EPHB1: variants seen among roughly 807,000 people sequenced by gnomAD.
The protein encoded by EPHB1 is ephrin type-B receptor 1.
Under a neutral mutation model 94.4 loss-of-function variants are expected in EPHB1, and 30 were observed. The ratio of observed to expected loss-of-function variants is 0.32; its 90% CI spans 0.24 to 0.43. The LOEUF (loss-of-function observed/expected upper bound fraction) is 0.43. Ranked by LOEUF, EPHB1 falls within the 20% of genes least tolerant of loss-of-function variation. The pLI, the probability that EPHB1 is intolerant of heterozygous loss-of-function variation, is 1.00. For missense variants in EPHB1, 1,055 were observed against 1,308.3 expected, an observed-to-expected ratio of 0.81 and a Z score of 2.99; for synonymous variants, 522 against 489.1, an observed-to-expected ratio of 1.07 and a Z score of -0.89.
chr3:135,124,200 G>A (rs1940101055), intron 4 of EPHB1, among the ~76,000 whole-genome samples: 1 of 151,710 alleles, frequency 6.6e-6, no homozygotes, highest in Admixed American at 6.5e-5. Flanking sequence ...TTGGGCTGGG[G>A]AACACTCCCT....
chr3:134,909,818 G>T (rs772385796), intron 1 of EPHB1, among the ~76,000 whole-genome samples: 2 of 152,202 alleles, frequency 1.3e-5, no homozygotes, highest in Non-Finnish European at 2.9e-5. Context: ...TGAGCTTCCA[G>T]CATTACAAGA....
intron 1 of EPHB1, among the ~76,000 whole-genome samples, chr3:134,800,676 G>A (rs1416434854): frequency 1.3e-5 from 2 of 152,176 alleles, no homozygotes; most frequent in Non-Finnish European, 2.9e-5. Flanking sequence ...AATAGGTCTT[G>A]CCCAACTCTG....
chr3:135,049,800 G>A (rs1937114632), intron 3 of EPHB1, among the ~76,000 whole-genome samples: 2 of 152,168 alleles, frequency 1.3e-5, no homozygotes, highest in African/African-American at 4.8e-5. Context: ...GAGGACACAG[G>A]TGACGAAACC....
At chr3:135,212,154 T>C (rs1473774392) in intron 12 of EPHB1, among the ~76,000 whole-genome samples, 1 of 152,216 alleles carries the variant, frequency 6.6e-6, no homozygotes, top group East Asian at 1.9e-4. Context: ...CTATATTTTC[T>C]AATTAATCCT....
chr3:135,108,971 G>C (rs928699857), intron 4 of EPHB1, among the ~76,000 whole-genome samples: 1 of 152,186 alleles, frequency 6.6e-6, no homozygotes, highest in African/African-American at 2.4e-5. Context: ...TGACAGTAAG[G>C]GGAGGGGGTC....
intron 1 of EPHB1, among the ~76,000 whole-genome samples, chr3:134,851,219 G>A (rs1352792799): frequency 6.6e-6 from 1 of 152,244 alleles, no homozygotes; most frequent in Non-Finnish European, 1.5e-5. Flanking sequence ...GGGCACACCT[G>A]CCTACTTTAT....
At chr3:134,974,968 CTG>C (rs1934127632) in intron 3 of EPHB1, among the ~76,000 whole-genome samples, 1 of 89,156 alleles carries the variant, frequency 1.1e-5, no homozygotes, top group Non-Finnish European at 2.2e-5. Flanking sequence ...CCCATCCTCT[CTG>C]TGTCTCTTTT....
intron 5 of EPHB1, among the ~76,000 whole-genome samples, chr3:135,153,891 T>C (rs909185139): frequency 6.6e-6 from 1 of 152,216 alleles, no homozygotes; most frequent in African/African-American, 2.4e-5. Context: ...CCTTGCCACC[T>C]CTGAAAGTCC....
At chr3:134,985,457 C>A (rs1934564535) in intron 3 of EPHB1, among the ~76,000 whole-genome samples, 1 of 152,166 alleles carries the variant, frequency 6.6e-6, no homozygotes, top group Admixed American at 6.5e-5. Flanking sequence ...CATGCCCGGC[C>A]GGTGGGCTTT....
chr3:134,871,837 G>A (rs977821428), intron 1 of EPHB1, among the ~76,000 whole-genome samples: 9 of 152,194 alleles, frequency 5.9e-5, no homozygotes, highest in Non-Finnish European at 8.8e-5. Context: ...AACACTGTAA[G>A]TGGCACTATG....
chr3:135,258,058 C>T (rs1021541153), intron 15 of EPHB1, among the ~76,000 whole-genome samples: 1 of 152,186 alleles, frequency 6.6e-6, no homozygotes, highest in Non-Finnish European at 1.5e-5. Flanking sequence ...GGCAATGCCT[C>T]ACCCTGCTTC....
chr3:134,982,330 G>A (rs1041176676), intron 3 of EPHB1, among the ~76,000 whole-genome samples: 3 of 152,190 alleles, frequency 2.0e-5, no homozygotes, highest in Non-Finnish European at 2.9e-5. Flanking sequence ...GAGAGGGAAA[G>A]AAGAAAGGGA....
intron 6 of EPHB1, among the ~76,000 whole-genome samples, chr3:135,155,661 C>T (rs1941329912): frequency 1.4e-5 from 2 of 142,842 alleles, no homozygotes; most frequent in Admixed American, 1.4e-4. Flanking sequence ...AAAAATTAGC[C>T]AGGAGTGGTG....
intron 1 of EPHB1, among the ~76,000 whole-genome samples, chr3:134,915,668 G>C (rs896273493): frequency 2.6e-5 from 4 of 152,014 alleles, no homozygotes; most frequent in Admixed American, 6.6e-5. Context: ...TCGTGGTCTC[G>C]CTGGCTCAGG....
intron 1 of EPHB1, among the ~76,000 whole-genome samples, chr3:134,829,381 C>T (rs1360203007): frequency 1.3e-5 from 2 of 151,976 alleles, no homozygotes; most frequent in African/African-American, 4.8e-5. Flanking sequence ...GTCCTGGGGC[C>T]GTGAGGACCT....
chr3:134,888,287 C>T (rs930471515), intron 1 of EPHB1, among the ~76,000 whole-genome samples: 1 of 152,204 alleles, frequency 6.6e-6, no homozygotes, highest in African/African-American at 2.4e-5. Context: ...CTACACTTAC[C>T]TGGAAGGTCT....
At chr3:135,240,565 TC>T (rs1463662551) in intron 12 of EPHB1, among the ~76,000 whole-genome samples, 1 of 152,124 alleles carries the variant, frequency 6.6e-6, no homozygotes, top group Non-Finnish European at 1.5e-5. Flanking sequence ...CTGGGACCAT[TC>T]AACCCTCATG....
chr3:135,075,047 G>T (rs769338302), intron 3 of EPHB1, among the ~76,000 whole-genome samples: 3 of 152,162 alleles, frequency 2.0e-5, no homozygotes, highest in Non-Finnish European at 2.9e-5. Context: ...GTGCCAACCA[G>T]GTTAGGAAAG....
At chr3:134,996,344 A>C (rs1934994718) in intron 3 of EPHB1, among the ~76,000 whole-genome samples, 1 of 152,014 alleles carries the variant, frequency 6.6e-6, no homozygotes, top group South Asian at 2.1e-4. Flanking sequence ...CAGGCACACA[A>C]CACCACACCC....
Sources: gnomAD v4.1 joint callset for allele counts (sites outside exome capture counted in the v4.1 genomes callset) on GRCh38, gnomAD v4.1.1 for gene constraint, MANE v1.5 for transcripts, NCBI Gene and HGNC (gene_info 2026-07-23, HGNC 2026-07-21) for gene names.